SGPL1: variants seen among roughly 807,000 people sequenced by gnomAD.
SGPL1 encodes SP-lyase 1.
In SGPL1, 37 loss-of-function variants were observed where a neutral mutation model predicts 68.9. That is an observed-to-expected ratio of 0.54 (90% CI 0.41 to 0.71). The LOEUF (loss-of-function observed/expected upper bound fraction) is 0.71. SGPL1 is among the 30% of genes least tolerant of loss of function. The probability of loss-of-function intolerance (pLI) is 0.00; values close to 1 mark genes in which losing one functional copy is unlikely to be tolerated. For missense variants in SGPL1, 551 were observed against 704.6 expected (o/e 0.78, Z 2.47); for synonymous variants, 236 against 248.5 (o/e 0.95, Z 0.47).
intron 2 of SGPL1, among the ~76,000 whole-genome samples, chr10:70,831,236 A>G (rs1443900304): frequency 1.3e-5 from 2 of 152,008 alleles, no homozygotes; most frequent in South Asian, 2.1e-4. Flanking sequence ...CACCACAACA[A>G]TCAACACCGA....
chr10:70,844,671 T>G, intron 3 of SGPL1, 33 bp downstream of exon 3: 1 of 1,590,936 alleles, frequency 6.3e-7, no homozygotes, highest in Non-Finnish European at 8.6e-7. Flanking sequence ...AAAGGTATAG[T>G]GGTGTGTCAC....
At chr10:70,830,970 A>C (rs1424477545) in intron 2 of SGPL1, among the ~76,000 whole-genome samples, 1 of 152,220 alleles carries the variant, frequency 6.6e-6, no homozygotes, top group Non-Finnish European at 1.5e-5. Flanking sequence ...TGGATCAGGA[A>C]TATCAAATGA....
intron 9 of SGPL1, among the ~76,000 whole-genome samples, chr10:70,870,376 A>G (rs1846269323): frequency 6.6e-6 from 1 of 152,012 alleles, no homozygotes; most frequent in South Asian, 2.1e-4. Context: ...ACATGGTGGC[A>G]TGCACCTGTA....
chr10:70,877,345 C>A lies in SGPL1; in HGVS notation c.*10C>A. 1 of 1,613,942 alleles carries A rather than the reference C, an allele frequency of 6.2e-7. No homozygotes were observed. Among genetic ancestry groups the A allele is most frequent in the Non-Finnish European group, 8.5e-7 (1 of 1,179,824 alleles). ...TCCAAAACCCCACTGAACTTGGACC[C>A]TTTCTAGTCTCAAGGGGATTCCAGC... is the stretch of plus-strand genomic sequence containing the variant. On this transcript the variant is annotated 3_prime_UTR_variant, in exon 15 of 15. Coordinates refer to ENST00000373202, the MANE Select transcript of SGPL1 (RefSeq NM_003901.4).
chr10:70,871,925 T>C lies in SGPL1; in HGVS notation c.998T>C (p.Leu333Pro). ...IVFMEKAGYP[L>P]EHPFDFRVKG... ...TTTATGGAGAAAGCAGGATACCCAC[T>C]GGAGCACCCATTTGATTTCCGGGTG... Residue 333 changes from leucine (L) to proline (P), a missense_variant, in exon 11 of 15, where the codon CTG (leucine) becomes CCG (proline). Physicochemically the swap from Leu to Pro is moderately conservative, Grantham distance 98 (BLOSUM62 -3). Coordinates refer to ENST00000373202, the MANE Select transcript of SGPL1 (RefSeq NM_003901.4). 6.2e-7 allele frequency: 1 copy of C among 1,614,174 alleles called. No homozygotes were observed. The highest frequency in any genetic ancestry group is 1.1e-5 in the South Asian group (1 of 91,078).
intron 7 of SGPL1, among the ~76,000 whole-genome samples, chr10:70,862,416 C>G (rs1040177310): frequency 3.9e-5 from 6 of 152,058 alleles, no homozygotes; most frequent in African/African-American, 1.4e-4. Flanking sequence ...CAAAACAGAC[C>G]ACTTGGCTCT....
chr10:70,833,307 ACTT>A (rs1460799876), intron 2 of SGPL1, among the ~76,000 whole-genome samples: 1 of 152,232 alleles, frequency 6.6e-6, no homozygotes, highest in Non-Finnish European at 1.5e-5. Context: ...TTTGAGACGA[ACTT>A]CTCAGATACT....
chr10:70,830,774 G>T (rs983375242), intron 2 of SGPL1, among the ~76,000 whole-genome samples: 1 of 152,124 alleles, frequency 6.6e-6, no homozygotes, highest in African/African-American at 2.4e-5. Flanking sequence ...TTTTCTGGGC[G>T]TCGGAGGAGT....
intron 8 of SGPL1, chr10:70,869,328 G>A (rs1481066004): frequency 6.6e-6 from 1 of 152,490 alleles, no homozygotes; most frequent in African/African-American, 2.4e-5. Flanking sequence ...GTCTTTCAGA[G>A]TTGGAAGGGG....
At chr10:70,859,163 CTT>C (rs1169073479) in intron 6 of SGPL1, among the ~76,000 whole-genome samples, 7 of 152,212 alleles carry the variant, frequency 4.6e-5, no homozygotes, top group African/African-American at 1.7e-4. Flanking sequence ...CATATTTATA[CTT>C]CTTTCCTCAT....
At chr10:70,858,104 C>T (rs1845994459) in intron 6 of SGPL1, among the ~76,000 whole-genome samples, 1 of 152,114 alleles carries the variant, frequency 6.6e-6, no homozygotes, top group South Asian at 2.1e-4. Flanking sequence ...TCATTCTTAG[C>T]TTCTTCCATT....
At chr10:70,844,676 T>C (rs1165582356) in intron 3 of SGPL1, 38 bp downstream of exon 3, 2 of 1,565,286 alleles carry the variant, frequency 1.3e-6, no homozygotes, top group East Asian at 2.3e-5. Context: ...TATAGTGGTG[T>C]GTCACTAGCC....
chr10:70,831,162 C>A (rs142411049), intron 2 of SGPL1, among the ~76,000 whole-genome samples: 6 of 152,110 alleles, frequency 3.9e-5, no homozygotes, highest in African/African-American at 1.4e-4. Context: ...CCCGGAGGGG[C>A]GTCCCAGATA....
chr10:70,837,640 A>G (rs1180117617), intron 2 of SGPL1, among the ~76,000 whole-genome samples: 2 of 152,188 alleles, frequency 1.3e-5, no homozygotes, highest in Non-Finnish European at 2.9e-5. Flanking sequence ...TATAGCAGAG[A>G]CAACATTACA....
intron 8 of SGPL1, among the ~76,000 whole-genome samples, 157 bp downstream of exon 8, chr10:70,868,590 T>C (rs779746165): frequency 6.6e-6 from 1 of 152,204 alleles, no homozygotes; most frequent in Non-Finnish European, 1.5e-5. Context: ...CCTTATCCTT[T>C]TACATTCAGT....
intron 7 of SGPL1, among the ~76,000 whole-genome samples, chr10:70,867,065 C>T (rs1846204787): frequency 6.6e-6 from 1 of 152,226 alleles, no homozygotes; most frequent in South Asian, 2.1e-4. Flanking sequence ...TCAGTTTTCT[C>T]ACCTGTAAAT....
rs566603484 is a variant in SGPL1 at position 70,840,663 on chromosome 10, G to A, written c.28-3810G>A. Among the ~76,000 whole-genome samples, 31 of 152,274 alleles carry A rather than the reference G, an allele frequency of 2.0e-4. 1 individual carries two copies. The highest frequency in any genetic ancestry group is 4.3e-4 in the Non-Finnish European group (29 of 68,024). On this transcript the variant is annotated intron_variant, in intron 2 of 14. Coordinates refer to ENST00000373202, the MANE Select transcript of SGPL1 (RefSeq NM_003901.4). Reference sequence around the variant, plus strand: ...ACTACAGTGTCATTCTGTCTTTGGTGTTAAAGAATTTAGATTTATCTCCTT... The same window carrying A: ...ACTACAGTGTCATTCTGTCTTTGGTATTAAAGAATTTAGATTTATCTCCTT...
chr10:70,827,335 G>T (rs1428254098), intron 2 of SGPL1, among the ~76,000 whole-genome samples: 2 of 152,164 alleles, frequency 1.3e-5, no homozygotes, highest in Non-Finnish European at 2.9e-5. Flanking sequence ...GCCTCTTCAA[G>T]TCATATGCCT....
chr10:70,844,615 A>C lies in SGPL1; in HGVS notation c.170A>C (p.Tyr57Ser). The change falls in exon 3 of 15, where the codon TAT becomes TCT. Residue 57 changes from tyrosine to serine, a missense_variant. Transcript: ENST00000373202. Reference protein sequence around the residue: ...VVWTLLIVWGYEFVFQPESLW... With the variant: ...VVWTLLIVWGSEFVFQPESLW... Reference sequence around the variant, plus strand: ...TGGACCCTGCTGATAGTCTGGGGATATGAGTTTGTCTTCCAGCCAGAGAGT... The same window carrying C: ...TGGACCCTGCTGATAGTCTGGGGATCTGAGTTTGTCTTCCAGCCAGAGAGT... The C allele has an allele frequency of 6.2e-7, 1 of 1,614,080 alleles. No homozygotes were observed. Among genetic ancestry groups the C allele is most frequent in the Non-Finnish European group, 8.5e-7 (1 of 1,180,000 alleles).
Sources: allele counts gnomAD v4.1 joint callset (sites outside exome capture counted in the v4.1 genomes callset), GRCh38; gene constraint gnomAD v4.1.1; transcripts MANE v1.5; gene names NCBI Gene and HGNC (gene_info 2026-07-23, HGNC 2026-07-21).